LRMDA: variants seen among roughly 807,000 people sequenced by gnomAD.
LRMDA encodes leucine-rich melanocyte differentiation-associated protein.
A neutral mutation model predicts 29.8 loss-of-function variants in LRMDA; 18 were observed. The observed-to-expected ratio is 0.60, with a 90% CI of 0.42 to 0.90. LRMDA has a LOEUF of 0.90. LRMDA is among the 40% of genes least tolerant of loss of function. LRMDA has a pLI of 0.00. For missense variants in LRMDA, 273 were observed against 273.9 expected (o/e 1.00, Z 0.02); for synonymous variants, 125 against 109.4 (o/e 1.14, Z -0.89).
chr10:75,993,030 T>C (rs557101591), intron 2 of LRMDA, among the ~76,000 whole-genome samples: 3 of 152,276 alleles, frequency 2.0e-5, no homozygotes, highest in African/African-American at 7.2e-5. Context: ...AGTGTCTTTA[T>C]TTACAACTTT....
At chr10:76,113,919 T>G (rs2132116587) in intron 5 of LRMDA, among the ~76,000 whole-genome samples, 1 of 152,272 alleles carries the variant, frequency 6.6e-6, no homozygotes, top group African/African-American at 2.4e-5. Context: ...GGGATCGAGG[T>G]TGGTTTGCAG....
chr10:76,015,194 C>T (rs1227178926), intron 2 of LRMDA, among the ~76,000 whole-genome samples: 9 of 152,186 alleles, frequency 5.9e-5, no homozygotes. Flanking sequence ...CAAATTGCCC[C>T]CCAATTTAGC....
intron 6 of LRMDA, chr10:76,556,545 G>A (rs1315500747): frequency 2.0e-5 from 3 of 151,992 alleles, no homozygotes; most frequent in Non-Finnish European, 4.4e-5. Flanking sequence ...AGTAGAGACG[G>A]AGTTTCATCA....
chr10:76,423,300 G>A (rs1026419880), intron 6 of LRMDA, among the ~76,000 whole-genome samples: 1 of 152,122 alleles, frequency 6.6e-6, no homozygotes, highest in Admixed American at 6.5e-5. Flanking sequence ...AGGCTGAGGT[G>A]GGAGGATCGC....
intron 5 of LRMDA, among the ~76,000 whole-genome samples, chr10:76,264,364 A>ACCACTTG (rs1233506172): frequency 7.8e-6 from 1 of 127,552 alleles, no homozygotes; most frequent in Non-Finnish European, 1.6e-5. Context: ...CTGAGATTGT[A>ACCACTTG]CCACTACACT....
intron 5 of LRMDA, among the ~76,000 whole-genome samples, chr10:76,296,698 C>T (rs568435410): frequency 6.6e-6 from 1 of 152,242 alleles, no homozygotes; most frequent in Admixed American, 6.5e-5. Flanking sequence ...ATAAACCAAC[C>T]TCATTAGACC....
intron 5 of LRMDA, among the ~76,000 whole-genome samples, chr10:76,301,481 G>C (rs1840479313): frequency 6.6e-6 from 1 of 152,152 alleles, no homozygotes; most frequent in Non-Finnish European, 1.5e-5. Flanking sequence ...CATTGCCCTT[G>C]GATTGAGGCT....
chr10:76,095,151 C>A (rs1039646723), intron 5 of LRMDA, among the ~76,000 whole-genome samples: 1 of 152,248 alleles, frequency 6.6e-6, no homozygotes, highest in South Asian at 2.1e-4. Flanking sequence ...CCCAACCATC[C>A]CTACCATCCC....
intron 2 of LRMDA, among the ~76,000 whole-genome samples, chr10:75,555,611 A>G (rs1840203623): frequency 6.6e-6 from 1 of 152,224 alleles, no homozygotes; most frequent in South Asian, 2.1e-4. Flanking sequence ...ATTTCAGTGA[A>G]GTTAACTGTG....
At chr10:76,332,368 AT>A (rs1424485724) in intron 6 of LRMDA, among the ~76,000 whole-genome samples, 2 of 152,016 alleles carry the variant, frequency 1.3e-5, no homozygotes, top group African/African-American at 4.8e-5. Flanking sequence ...TCCAAGGATG[AT>A]TTTTCATTTG....
At chr10:76,131,530 A>C (rs1444076360) in intron 5 of LRMDA, among the ~76,000 whole-genome samples, 1 of 152,180 alleles carries the variant, frequency 6.6e-6, no homozygotes, top group Non-Finnish European at 1.5e-5. Flanking sequence ...AAGATCTTTG[A>C]TGCATATTGC....
At chr10:76,156,749 C>T (rs1274500512) in intron 5 of LRMDA, among the ~76,000 whole-genome samples, 1 of 152,160 alleles carries the variant, frequency 6.6e-6, no homozygotes, top group African/African-American at 2.4e-5. Flanking sequence ...CTCAAGATGA[C>T]ATACCATTAG....
intron 5 of LRMDA, among the ~76,000 whole-genome samples, chr10:76,272,938 A>G (rs1237869371): frequency 6.6e-6 from 1 of 152,164 alleles, no homozygotes; most frequent in East Asian, 1.9e-4. Context: ...CCCATGATCC[A>G]GTCACCTCCC....
intron 5 of LRMDA, among the ~76,000 whole-genome samples, chr10:76,127,694 A>G (rs1374768917): frequency 6.6e-6 from 1 of 152,080 alleles, no homozygotes; most frequent in East Asian, 1.9e-4. Flanking sequence ...GAAAAAAAAA[A>G]TCATAAAATT....
At chr10:75,858,070 C>A (rs539317987) in intron 2 of LRMDA, among the ~76,000 whole-genome samples, 1 of 152,176 alleles carries the variant, frequency 6.6e-6, no homozygotes, top group South Asian at 2.1e-4. Context: ...GTGCAGGTGG[C>A]CAGGCCTGGT....
chr10:76,511,254 G>A (rs1843007019), intron 6 of LRMDA, among the ~76,000 whole-genome samples: 1 of 152,150 alleles, frequency 6.6e-6, no homozygotes, highest in Admixed American at 6.5e-5. Flanking sequence ...AGGCACAAGT[G>A]GCTTTGGTTT....
chr10:75,948,477 G>A (rs537806730), intron 2 of LRMDA, among the ~76,000 whole-genome samples: 1 of 152,282 alleles, frequency 6.6e-6, no homozygotes, highest in South Asian at 2.1e-4. Context: ...TAGGTAGTGG[G>A]ACATTGTTCT....
intron 5 of LRMDA, among the ~76,000 whole-genome samples, chr10:76,085,398 C>A (rs945631856): frequency 3.9e-5 from 6 of 152,156 alleles, no homozygotes; most frequent in Admixed American, 1.3e-4. Context: ...GTTAGGCCAA[C>A]AGAAATTGGT....
At chr10:75,576,095 G>A (rs534052304) in intron 2 of LRMDA, among the ~76,000 whole-genome samples, 4 of 152,120 alleles carry the variant, frequency 2.6e-5, no homozygotes, top group Non-Finnish European at 4.4e-5. Context: ...CCCCATGAAA[G>A]CCCAGCAAGC....
Sources: gnomAD v4.1 joint callset for allele counts (sites outside exome capture counted in the v4.1 genomes callset) on GRCh38, gnomAD v4.1.1 for gene constraint, MANE v1.5 for transcripts, NCBI Gene and HGNC (gene_info 2026-07-23, HGNC 2026-07-21) for gene names.